Variants in GTF3C1 observed in about 807,000 individuals in gnomAD.
The protein encoded by GTF3C1 is general transcription factor 3C polypeptide 1.
In GTF3C1, 57 loss-of-function variants were observed where a neutral mutation model predicts 226.7. That is an observed-to-expected ratio of 0.25 (90% CI 0.20 to 0.31). GTF3C1 has a LOEUF of 0.31. Among genes scored for constraint, GTF3C1 ranks in the 10% least tolerant of loss-of-function variants. GTF3C1 has a pLI of 1.00. For missense variants in GTF3C1, 2,217 were observed against 2,776.1 expected (o/e 0.80, Z 4.53); for synonymous variants, 1,090 against 1,084.8 (o/e 1.00, Z -0.09).
At position 27,492,832 on chromosome 16, in the gene GTF3C1, G is replaced by GCACTAA; in HGVS notation, c.2877-120_2877-119insTTAGTG. On this transcript the variant is annotated intron_variant, in intron 17 of 36. Coordinates refer to ENST00000356183, the MANE Select transcript of GTF3C1 (RefSeq NM_001520.4). The surrounding 1 kb of genome is among the most constrained non-coding windows in gnomAD (Gnocchi z 5.0). The stretch of plus-strand genomic sequence containing the variant: ...TTCTCTTTTCCACCTGGTGGTCACT[G>GCACTAA]GAGGACCAGCCTCAAGCCCACACTG... 1 of 698,760 alleles carries GCACTAA rather than the reference G, an allele frequency of 1.4e-6. No individual in the cohort carries two copies. Among genetic ancestry groups the GCACTAA allele is most frequent in the Non-Finnish European group, 2.6e-6 (1 of 387,320 alleles). The allele number at this position is 698,760 out of a possible 1,614,324, so 43.3% of individuals were successfully genotyped here.
rs1424433393 is a variant in GTF3C1 at position 27,494,624 on chromosome 16, T to C, written c.2778+139A>G. The stretch of plus-strand genomic sequence containing the variant: ...AAATATTTTCCCTTGAATGAGCATC[T>C]GCCTATCCATCTATCCACCAATCCA... On this transcript the variant is annotated intron_variant, in intron 16 of 36. Transcript: ENST00000356183. The C allele has an allele frequency of 6.4e-6, 4 of 625,724 alleles. No individual in the cohort carries two copies. The Admixed American group carries it at 1.2e-4, about 18-fold the overall frequency. The allele number at this position is 625,724 out of a possible 1,614,324, so 38.8% of individuals were successfully genotyped here.
intron 1 of GTF3C1, among the ~76,000 whole-genome samples, chr16:27,546,065 C>T (rs2089157811): frequency 6.6e-6 from 1 of 152,116 alleles, no homozygotes; most frequent in African/African-American, 2.4e-5. Context: ...TCAGGGTGGT[C>T]TCGAACTCCT....
chr16:27,464,089 C>G (rs1374254140), intron 34 of GTF3C1: 3 of 446,714 alleles, frequency 6.7e-6, no homozygotes, highest in Admixed American at 8.5e-5. Context: ...AGCTCCTGCT[C>G]TGGAACTCAC....
rs935744938 is a variant in GTF3C1 at position 27,522,029 on chromosome 16, T to C, written c.973+6569A>G. 4.6e-5 allele frequency among the ~76,000 whole-genome samples: 7 copies of C among 152,242 alleles called. No homozygotes were observed. In the East Asian group the frequency reaches 5.8e-4, roughly 13 times the overall value. On this transcript the variant is annotated intron_variant, in intron 6 of 36. Transcript: ENST00000356183. Reference sequence around the variant, plus strand: ...TACTTTAACTTTTCAACTGTTCCTGTTGGCCATTTTAACTATCATAATTTA... The same window carrying C: ...TACTTTAACTTTTCAACTGTTCCTGCTGGCCATTTTAACTATCATAATTTA...
rs1246483071 is a variant in GTF3C1 at position 27,465,233 on chromosome 16, A to G, written c.5355+27T>C. 10 of 1,608,550 alleles carry G rather than the reference A, an allele frequency of 6.2e-6. No homozygotes were observed. In the East Asian group the frequency reaches 6.7e-5, roughly 11 times the overall value. On this transcript the variant is annotated intron_variant, in intron 33 of 36. Coordinates refer to ENST00000356183, the MANE Select transcript of GTF3C1 (RefSeq NM_001520.4). ...GAGCTGCAATTTCCGCTTCGGTGAT[A>G]TCCGGCTAACCTAAAGCACAGCTCA...
At chr16:27,489,776 G>T in intron 19 of GTF3C1, 33 bp from the exon 20 acceptor site, 1 of 1,598,242 alleles carries the variant, frequency 6.3e-7, no homozygotes. Context: ...GACCAATCAC[G>T]CCTTCCTGCT....
intron 5 of GTF3C1, among the ~76,000 whole-genome samples, chr16:27,532,195 A>G (rs960022557): frequency 1.3e-5 from 2 of 152,212 alleles, no homozygotes; most frequent in African/African-American, 4.8e-5. Context: ...TAACAGACCA[A>G]GTCTGGGCCA....
chr16:27,547,700 G>A (rs1320009782), intron 1 of GTF3C1, among the ~76,000 whole-genome samples: 1 of 151,972 alleles, frequency 6.6e-6, no homozygotes, highest in African/African-American at 2.4e-5. Flanking sequence ...TTCTCCCTCT[G>A]TCACCCAGGC....
intron 2 of GTF3C1, among the ~76,000 whole-genome samples, chr16:27,540,105 GAC>G (rs747962589): frequency 1.4e-4 from 22 of 152,248 alleles, no homozygotes; most frequent in African/African-American, 3.4e-4. Context: ...AACTCAGTCT[GAC>G]AGTTTTCCTT....
chr16:27,491,797 GC>G (rs1302731674), intron 19 of GTF3C1, among the ~76,000 whole-genome samples: 1 of 152,180 alleles, frequency 6.6e-6, no homozygotes, highest in Non-Finnish European at 1.5e-5. Flanking sequence ...CAAGGCTTCA[GC>G]CTGTGTCACT....
At chr16:27,494,256 C>A (rs1033395949) in intron 16 of GTF3C1, among the ~76,000 whole-genome samples, 2 of 151,856 alleles carry the variant, frequency 1.3e-5, no homozygotes. Flanking sequence ...AAAAAATTAG[C>A]CTGGCGTGGT....
intron 14 of GTF3C1, 151 bp downstream of exon 14, chr16:27,497,486 C>T (rs184033490): frequency 2.6e-5 from 16 of 612,592 alleles, no homozygotes; most frequent in Non-Finnish European, 3.5e-5. Context: ...AGAAGTTATG[C>T]GGCCAGAGTA....
chr16:27,546,957 G>C (rs2089173654), intron 1 of GTF3C1, among the ~76,000 whole-genome samples: 2 of 152,038 alleles, frequency 1.3e-5, no homozygotes, highest in Non-Finnish European at 2.9e-5. Context: ...AGTAGAGAGA[G>C]GGTTTCACGA....
At chr16:27,548,975 G>A (rs1051397781) in intron 1 of GTF3C1, among the ~76,000 whole-genome samples, 2 of 152,148 alleles carry the variant, frequency 1.3e-5, no homozygotes, top group Admixed American at 6.6e-5. Context: ...CCAACATGAT[G>A]ACACCCCATA....
At chr16:27,518,827 T>G (rs1280974859) in intron 6 of GTF3C1, among the ~76,000 whole-genome samples, 3 of 152,202 alleles carry the variant, frequency 2.0e-5, no homozygotes, top group Admixed American at 2.0e-4. Context: ...GAGCCTCAAG[T>G]TCTTCATGGG....
At chr16:27,503,779 G>T (rs1412687551) in intron 10 of GTF3C1, among the ~76,000 whole-genome samples, 1 of 152,190 alleles carries the variant, frequency 6.6e-6, no homozygotes, top group East Asian at 1.9e-4. Flanking sequence ...CACATCTTGT[G>T]AATCACTGGA....
At chr16:27,465,828 G>A (rs556766322) in intron 32 of GTF3C1, 12 of 443,592 alleles carry the variant, frequency 2.7e-5, no homozygotes, top group Non-Finnish European at 4.6e-5. Flanking sequence ...CACAGAGGCC[G>A]AGGACTGAGG....
intron 12 of GTF3C1, among the ~76,000 whole-genome samples, chr16:27,500,858 A>C (rs935125115): frequency 4.6e-5 from 7 of 152,222 alleles, no homozygotes; most frequent in African/African-American, 1.4e-4. Flanking sequence ...CTTGCTGCTT[A>C]GTCTAAATTT....
intron 32 of GTF3C1, 63 bp from the exon 33 acceptor site, chr16:27,465,603 C>G: frequency 1.6e-6 from 2 of 1,286,648 alleles, no homozygotes; most frequent in South Asian, 2.7e-5. Context: ...CTGACCAATG[C>G]ACAGGCCACA....
Sources: gnomAD v4.1 joint callset for allele counts (sites outside exome capture counted in the v4.1 genomes callset) on GRCh38, gnomAD v4.1.1 for gene constraint, Gnocchi (gnomAD v3.1) non-coding constraint, MANE v1.5 for transcripts, NCBI Gene and HGNC (gene_info 2026-07-23, HGNC 2026-07-21) for gene names.